The following CC2D2A variants were observed in gnomAD, a reference collection of about 807,000 sequenced individuals.
CC2D2A encodes the protein coiled-coil and C2 domain containing 2A.
Under a neutral mutation model 212.9 loss-of-function variants are expected in CC2D2A, and 155 were observed. That is an observed-to-expected ratio of 0.73 (90% confidence interval 0.64 to 0.83). CC2D2A has a LOEUF of 0.83. CC2D2A is among the 40% of genes least tolerant of loss of function. CC2D2A has a pLI of 0.00. For missense variants in CC2D2A, 1,856 were observed against 1,956.2 expected, an observed-to-expected ratio of 0.95 and a Z score of 0.97; for synonymous variants, 667 against 686.5, an observed-to-expected ratio of 0.97 and a Z score of 0.44.
At chr4:15,527,760 CAT>C in intron 12 of CC2D2A, 104 bp downstream of exon 12, 5 of 817,696 alleles carry the variant, frequency 6.1e-6, no homozygotes, top group Admixed American at 4.9e-5. Context: ...CCCTCTTTCA[CAT>C]GTTTCCTCGG....
At chr4:15,561,787 T>A (rs741180) in intron 23 of CC2D2A, among the ~76,000 whole-genome samples, 47,301 of 151,816 alleles carry the variant, frequency 0.31, 7,583 homozygotes, top group East Asian at 0.46. Context: ...TGTTAGGACC[T>A]CTAACAAAGT....
intron 23 of CC2D2A, among the ~76,000 whole-genome samples, chr4:15,562,482 C>A (rs1719658554): frequency 6.6e-6 from 1 of 152,198 alleles, no homozygotes; most frequent in African/African-American, 2.4e-5. Flanking sequence ...TCTTGCATAT[C>A]ATCTCCGTGA....
At chr4:15,559,659 C>T (rs921247234) in intron 22 of CC2D2A, among the ~76,000 whole-genome samples, 2 of 123,818 alleles carry the variant, frequency 1.6e-5, no homozygotes, top group Non-Finnish European at 3.5e-5. Context: ...AACATCCTTT[C>T]GTTTGTCCTT....
intron 7 of CC2D2A, 52 bp from the exon 8 acceptor site, chr4:15,511,195 C>G: frequency 6.6e-7 from 1 of 1,524,174 alleles, no homozygotes; most frequent in Admixed American, 2.2e-5. Flanking sequence ...TTGTGCAGAG[C>G]GCATTACAGC....
intron 4 of CC2D2A, among the ~76,000 whole-genome samples, chr4:15,490,795 G>C (rs995722839): frequency 6.6e-6 from 1 of 152,072 alleles, no homozygotes; most frequent in African/African-American, 2.4e-5. Context: ...CACACCCTGG[G>C]CCTGGTAGTT....
intron 4 of CC2D2A, among the ~76,000 whole-genome samples, chr4:15,496,811 C>A (rs1366650227): frequency 6.6e-6 from 1 of 152,144 alleles, no homozygotes; most frequent in East Asian, 1.9e-4. Flanking sequence ...ATCCCATTCA[C>A]AACAGCCACA....
chr4:15,524,949 T>C (rs1717429230), intron 11 of CC2D2A, among the ~76,000 whole-genome samples: 1 of 152,212 alleles, frequency 6.6e-6, no homozygotes, highest in Non-Finnish European at 1.5e-5. Context: ...TAGTCATCAA[T>C]AAATAAGAAA....
intron 1 of CC2D2A, 89 bp from the exon 2 acceptor site, chr4:15,475,826 A>G: frequency 9.2e-7 from 1 of 1,081,816 alleles, no homozygotes; most frequent in Non-Finnish European, 1.4e-6. Flanking sequence ...TTCACTTACC[A>G]TCATGGCCAG....
intron 36 of CC2D2A, among the ~76,000 whole-genome samples, chr4:15,600,645 G>A (rs957576754): frequency 6.6e-6 from 1 of 152,122 alleles, no homozygotes; most frequent in African/African-American, 2.4e-5. Context: ...GCTCACACCT[G>A]TAACCCCAGC....
intron 12 of CC2D2A, 77 bp downstream of exon 12, chr4:15,527,733 C>T: frequency 9.0e-7 from 1 of 1,112,988 alleles, no homozygotes; most frequent in Non-Finnish European, 1.3e-6. Flanking sequence ...AAATTTCTAA[C>T]AGCAAAATGT....
chr4:15,536,670 C>T (rs1718146330), intron 14 of CC2D2A, among the ~76,000 whole-genome samples: 1 of 152,192 alleles, frequency 6.6e-6, no homozygotes, highest in South Asian at 2.1e-4. Flanking sequence ...GTGGGTTGGG[C>T]TCATATTCAG....
At chr4:15,599,265 T>C (rs1216870593) in intron 35 of CC2D2A, among the ~76,000 whole-genome samples, 2 of 152,258 alleles carry the variant, frequency 1.3e-5, no homozygotes, top group Non-Finnish European at 2.9e-5. Context: ...GCATCTGTTA[T>C]AGCTCTTAGG....
At position 15,540,713 on chromosome 4, in the gene CC2D2A, G is replaced by T. The variant is rs1470281620; in HGVS notation, c.2004-124G>T. 3.0e-5 allele frequency: 25 copies of T among 847,316 alleles called. No homozygotes were observed. The Admixed American group carries it at 6.0e-4, about 20-fold the overall frequency. The allele number at this position is 847,316 out of a possible 1,614,324, so 52.5% of individuals were successfully genotyped here. A position where few individuals can be genotyped will look rare whatever the true frequency, so the allele number is the denominator to read the frequency against. ...CCTGTGGCTCCTCTGGTTAAATGAGGGCTGACATGATTGGGAGAGTTGCCT... is the reference window on the plus strand; with the variant it reads ...CCTGTGGCTCCTCTGGTTAAATGAGTGCTGACATGATTGGGAGAGTTGCCT... On this transcript the variant is annotated intron_variant, in intron 16 of 36. Coordinates refer to ENST00000424120, the MANE Select transcript of CC2D2A (RefSeq NM_001378615.1).
At chr4:15,523,710 C>T (rs576761792) in intron 11 of CC2D2A, among the ~76,000 whole-genome samples, 41 of 152,278 alleles carry the variant, frequency 2.7e-4, no homozygotes, top group African/African-American at 9.1e-4. Context: ...GATTTGATGC[C>T]GGCAGGCCTC....
chr4:15,499,563 G>C (rs375952361), intron 4 of CC2D2A, among the ~76,000 whole-genome samples: 1 of 152,152 alleles, frequency 6.6e-6, no homozygotes, highest in Non-Finnish European at 1.5e-5. Flanking sequence ...ATTCAGAAGA[G>C]ATAGTGTTTA....
At chr4:15,541,916 A>C (rs1158539555) in intron 17 of CC2D2A, among the ~76,000 whole-genome samples, 1 of 152,148 alleles carries the variant, frequency 6.6e-6, no homozygotes, top group Non-Finnish European at 1.5e-5. Context: ...TCTGAAATCA[A>C]GGCGTCAGTA....
rs1713604069 is a variant in CC2D2A at position 15,469,892 on chromosome 4, T to A, written c.-184T>A. 6.6e-6 allele frequency: 1 copy of A among 151,590 alleles called. No individual in the cohort carries two copies. Among genetic ancestry groups the A allele is most frequent in the African/African-American group, 2.4e-5 (1 of 41,264 alleles). 9.4% of individuals were successfully genotyped at this position (151,590 alleles called of 1,614,324 possible). ...TAGGAACGGGTTGCTAAGCTGGTGT[T>A]TTTGCTCCAAGACATGGCTGCAGCT... is the stretch of plus-strand genomic sequence containing the variant. On this transcript the variant is annotated 5_prime_UTR_variant, in exon 1 of 37. Transcript: ENST00000424120.
intron 17 of CC2D2A, among the ~76,000 whole-genome samples, chr4:15,542,840 G>C (rs1560174255): frequency 6.6e-6 from 1 of 152,124 alleles, no homozygotes; most frequent in Non-Finnish European, 1.5e-5. Context: ...GTTCAATACT[G>C]TGTATTGTTC....
At position 15,553,245 on chromosome 4, in the gene CC2D2A, T is replaced by C. The variant is rs779690876; in HGVS notation, c.2426T>C (p.Ile809Thr). 21 of 1,613,304 alleles carry C rather than the reference T, an allele frequency of 1.3e-5. No homozygotes were observed. The highest frequency in any genetic ancestry group is 1.6e-4 in the Middle Eastern group (1 of 6,084). ...GKVSHSVAWA[I>T]GENGIPLIPP... Reference sequence around the variant, plus strand: ...GTGTCTCATAGTGTGGCATGGGCCATTGGAGAAAACGGGATACCTTTAATT... The same window carrying C: ...GTGTCTCATAGTGTGGCATGGGCCACTGGAGAAAACGGGATACCTTTAATT... The change falls in exon 19 of 37, where the codon ATT (isoleucine) becomes ACT (threonine). Residue 809 changes from isoleucine to threonine, a missense_variant. Ile to Thr is a moderately conservative substitution (Grantham distance 89). Transcript: ENST00000424120.
Sources: allele counts gnomAD v4.1 joint callset (sites outside exome capture counted in the v4.1 genomes callset), GRCh38; gene constraint gnomAD v4.1.1; transcripts MANE v1.5; gene names NCBI Gene and HGNC (gene_info 2026-07-23, HGNC 2026-07-21).